CLYBL: variants seen among roughly 807,000 people sequenced by gnomAD.
CLYBL encodes citramalyl-CoA lyase, mitochondrial.
Under a neutral mutation model 38.9 loss-of-function variants are expected in CLYBL, and 31 were observed. The observed-to-expected ratio is 0.80, with a 90% CI of 0.60 to 1.08. The LOEUF (loss-of-function observed/expected upper bound fraction) is 1.08. Among genes scored for constraint, CLYBL ranks in the 50% least tolerant of loss-of-function variants. The probability of loss-of-function intolerance (pLI) is 0.00; values close to 1 mark genes in which losing one functional copy is unlikely to be tolerated. For synonymous variants in CLYBL, 171 were observed against 158.6 expected (o/e 1.08, Z -0.59); for missense variants, 434 against 411.6 (o/e 1.05, Z -0.47).
At chr13:99,767,060 A>G (rs1483134468) in intron 1 of CLYBL, among the ~76,000 whole-genome samples, 1 of 152,236 alleles carries the variant, frequency 6.6e-6, no homozygotes, top group Non-Finnish European at 1.5e-5. Context: ...GCCTCCTGCC[A>G]GGGAACCCAA....
chr13:99,710,321 C>T (rs995285350), intron 1 of CLYBL, among the ~76,000 whole-genome samples: 6 of 152,134 alleles, frequency 3.9e-5, no homozygotes, highest in Non-Finnish European at 8.8e-5. Flanking sequence ...AGAGCAATGT[C>T]GCAAGGATGC....
chr13:99,842,290 T>C (rs955553846), intron 2 of CLYBL, among the ~76,000 whole-genome samples: 4 of 152,218 alleles, frequency 2.6e-5, no homozygotes, highest in African/African-American at 4.8e-5. Context: ...GGATGTTCCT[T>C]TCCTTTAGGG....
At chr13:99,635,028 C>T (rs2046999235) in intron 1 of CLYBL, among the ~76,000 whole-genome samples, 1 of 152,130 alleles carries the variant, frequency 6.6e-6, no homozygotes, top group Admixed American at 6.5e-5. Context: ...CACTGTCTGG[C>T]TTAATCTTAC....
At chr13:99,836,281 C>A (rs1328858839) in intron 2 of CLYBL, among the ~76,000 whole-genome samples, 2 of 152,078 alleles carry the variant, frequency 1.3e-5, no homozygotes, top group African/African-American at 2.4e-5. Flanking sequence ...CTCCCTCTAC[C>A]CCTGGCCCTG....
At chr13:99,883,159 C>T (rs1002226261) in intron 7 of CLYBL, among the ~76,000 whole-genome samples, 8 of 152,198 alleles carry the variant, frequency 5.3e-5, no homozygotes, top group Non-Finnish European at 8.8e-5. Flanking sequence ...CACCGGGTTT[C>T]AGTCCAGCTT....
At chr13:99,644,070 A>G (rs905914267) in intron 1 of CLYBL, among the ~76,000 whole-genome samples, 2 of 151,338 alleles carry the variant, frequency 1.3e-5, no homozygotes, top group East Asian at 1.9e-4. Context: ...AGCCCATCAC[A>G]CATTTTGTCT....
chr13:99,832,334 A>G (rs1235049043), intron 2 of CLYBL, among the ~76,000 whole-genome samples: 1 of 152,200 alleles, frequency 6.6e-6, no homozygotes, highest in African/African-American at 2.4e-5. Context: ...CACGTCCTCA[A>G]ATGATCTCTT....
intron 1 of CLYBL, among the ~76,000 whole-genome samples, chr13:99,711,182 A>G (rs1418025160): frequency 6.6e-6 from 1 of 151,776 alleles, no homozygotes; most frequent in Non-Finnish European, 1.5e-5. Flanking sequence ...ACAGTTATCT[A>G]TTTGTCTTAG....
chr13:99,848,056 C>T (rs1050765921), intron 2 of CLYBL, among the ~76,000 whole-genome samples: 1 of 152,190 alleles, frequency 6.6e-6, no homozygotes. Flanking sequence ...TGTTCCCTCA[C>T]TGTTCCTGCC....
At chr13:99,876,484 GTTTGC>G (rs1224497892) in intron 7 of CLYBL, among the ~76,000 whole-genome samples, 3 of 147,852 alleles carry the variant, frequency 2.0e-5, no homozygotes. Flanking sequence ...GTTTTAAATT[GTTTGC>G]TTTGTCCTTA....
At chr13:99,767,190 A>G (rs1178519718) in intron 1 of CLYBL, among the ~76,000 whole-genome samples, 1 of 152,172 alleles carries the variant, frequency 6.6e-6, no homozygotes, top group Non-Finnish European at 1.5e-5. Context: ...GTTGTTATGG[A>G]TGTAGAAATC....
intron 1 of CLYBL, among the ~76,000 whole-genome samples, chr13:99,663,023 A>G (rs2047431757): frequency 6.6e-6 from 1 of 152,214 alleles, no homozygotes; most frequent in South Asian, 2.1e-4. Context: ...AAATTACTCA[A>G]ATGTAGCCAA....
At chr13:99,718,321 T>G (rs2048347793) in intron 1 of CLYBL, among the ~76,000 whole-genome samples, 1 of 151,838 alleles carries the variant, frequency 6.6e-6, no homozygotes, top group South Asian at 2.1e-4. Flanking sequence ...TTCCAGCCTC[T>G]TCTAGGTTTG....
At chr13:99,652,262 TTCCTCA>T (rs2047265774) in intron 1 of CLYBL, among the ~76,000 whole-genome samples, 1 of 152,166 alleles carries the variant, frequency 6.6e-6, no homozygotes, top group African/African-American at 2.4e-5. Flanking sequence ...ATGAGGCAAG[TTCCTCA>T]GGGGGTGAAG....
chr13:99,856,226 C>T (rs771414889), intron 2 of CLYBL, among the ~76,000 whole-genome samples: 3 of 152,116 alleles, frequency 2.0e-5, no homozygotes, highest in Non-Finnish European at 2.9e-5. Flanking sequence ...ACAAACAAGT[C>T]CCTTCAAATC....
At chr13:99,857,239 C>T (rs2051481074) in intron 2 of CLYBL, among the ~76,000 whole-genome samples, 1 of 151,960 alleles carries the variant, frequency 6.6e-6, no homozygotes, top group Non-Finnish European at 1.5e-5. Context: ...CACTTGAACT[C>T]AGGAGGCAGA....
intron 1 of CLYBL, among the ~76,000 whole-genome samples, chr13:99,659,950 TA>T (rs1484815989): frequency 6.6e-6 from 1 of 152,146 alleles, no homozygotes; most frequent in East Asian, 1.9e-4. Flanking sequence ...CACCTGGATT[TA>T]AAAAACTTAA....
chr13:99,668,015 T>C (rs924295940), intron 1 of CLYBL, among the ~76,000 whole-genome samples: 2 of 152,210 alleles, frequency 1.3e-5, no homozygotes, highest in Admixed American at 1.3e-4. Context: ...GGCTCACACC[T>C]GTAATTCCAG....
At chr13:99,712,651 A>G (rs1159511427) in intron 1 of CLYBL, among the ~76,000 whole-genome samples, 2 of 151,980 alleles carry the variant, frequency 1.3e-5, no homozygotes, top group East Asian at 3.9e-4. Flanking sequence ...CTGGCCAGTG[A>G]TTGACTCTTT....
Sources: gnomAD v4.1 joint callset for allele counts (sites outside exome capture counted in the v4.1 genomes callset) on GRCh38, gnomAD v4.1.1 for gene constraint, MANE v1.5 for transcripts, NCBI Gene and HGNC (gene_info 2026-07-23, HGNC 2026-07-21) for gene names.